The following TNFSF4 variants were observed in gnomAD, a reference collection of about 807,000 sequenced individuals.
TNFSF4 encodes TNF superfamily member 4.
A neutral mutation model predicts 7.3 loss-of-function variants in TNFSF4; 4 were observed. The observed-to-expected ratio is 0.55, with a 90% CI of 0.27 to 1.25. The LOEUF (loss-of-function observed/expected upper bound fraction) is 1.25. Ranked by LOEUF, TNFSF4 falls within the 50% of genes most tolerant of loss-of-function variation. TNFSF4 has a pLI of 0.12. For missense variants in TNFSF4, 181 were observed against 208.8 expected, an observed-to-expected ratio of 0.87 and a Z score of 0.82; for synonymous variants, 76 against 83.7, an observed-to-expected ratio of 0.91 and a Z score of 0.50.
chr1:173,225,589 G>A, the TNFSF4 span, among the ~76,000 whole-genome samples: 8 of 152,070 alleles, frequency 5.3e-5, no homozygotes, highest in African/African-American at 1.7e-4. Context: ...GGCATATGTC[G>A]GTGTTTTAAG....
chr1:173,384,700 C>G, the TNFSF4 span, among the ~76,000 whole-genome samples: 1 of 152,148 alleles, frequency 6.6e-6, no homozygotes, highest in Middle Eastern at 3.2e-3. Flanking sequence ...TAATATACAA[C>G]TTACAGAAAT....
At chr1:173,361,983 A>G in the TNFSF4 span, among the ~76,000 whole-genome samples, 3 of 152,224 alleles carry the variant, frequency 2.0e-5, no homozygotes, top group Admixed American at 6.5e-5. Flanking sequence ...AGAGGGCCAT[A>G]TAAAGGAATT....
chr1:173,295,680 A>G, the TNFSF4 span, among the ~76,000 whole-genome samples: 1 of 152,016 alleles, frequency 6.6e-6, no homozygotes, highest in Admixed American at 6.6e-5. Context: ...GGAAATTGAC[A>G]TGGAAGCTCT....
the TNFSF4 span, among the ~76,000 whole-genome samples, chr1:173,220,008 T>C: frequency 2.6e-5 from 4 of 151,794 alleles, no homozygotes; most frequent in African/African-American, 9.7e-5. Context: ...AACTTATCCA[T>C]GTAACCAAAC....
At chr1:173,261,581 G>A in the TNFSF4 span, among the ~76,000 whole-genome samples, 1 of 152,030 alleles carries the variant, frequency 6.6e-6, no homozygotes, top group Non-Finnish European at 1.5e-5. Context: ...TAGACTGCTA[G>A]CTGCACTAAT....
chr1:173,367,293 G>C, the TNFSF4 span, among the ~76,000 whole-genome samples: 2 of 152,106 alleles, frequency 1.3e-5, no homozygotes, highest in South Asian at 4.2e-4. Flanking sequence ...ATTTTACCAT[G>C]GCACACATTC....
chr1:173,313,964 A>G, the TNFSF4 span, among the ~76,000 whole-genome samples: 1 of 151,680 alleles, frequency 6.6e-6, no homozygotes, highest in African/African-American at 2.4e-5. Flanking sequence ...CTATTTTTTT[A>G]CTTCTTGTCT....
the TNFSF4 span, among the ~76,000 whole-genome samples, chr1:173,270,181 TG>T: frequency 6.6e-6 from 1 of 152,098 alleles, no homozygotes; most frequent in Admixed American, 6.6e-5. Context: ...GGAGCAGATT[TG>T]GGGGAAAACA....
At chr1:173,290,835 A>G in the TNFSF4 span, among the ~76,000 whole-genome samples, 1 of 152,156 alleles carries the variant, frequency 6.6e-6, no homozygotes, top group African/African-American at 2.4e-5. Context: ...CCTGGCCACA[A>G]AGCAAGTCTC....
At chr1:173,300,503 C>T in the TNFSF4 span, among the ~76,000 whole-genome samples, 1 of 151,888 alleles carries the variant, frequency 6.6e-6, no homozygotes, top group Non-Finnish European at 1.5e-5. Flanking sequence ...CCCCAATAGT[C>T]TCTGCAAGTT....
At chr1:173,269,549 C>T in the TNFSF4 span, among the ~76,000 whole-genome samples, 3 of 152,074 alleles carry the variant, frequency 2.0e-5, no homozygotes, top group African/African-American at 7.2e-5. Flanking sequence ...TCCTTGAATA[C>T]AAGCCCTGCA....
the TNFSF4 span, among the ~76,000 whole-genome samples, chr1:173,373,546 C>T: frequency 8.5e-5 from 13 of 152,178 alleles, no homozygotes; most frequent in Admixed American, 3.3e-4. Context: ...ACTTTTCACA[C>T]GGGTATAGAG....
rs1413608764 is a variant in TNFSF4 at position 173,184,332 on chromosome 1, T to A, written c.*2184A>T. The stretch of plus-strand genomic sequence containing the variant: ...GGGTTAATTCTCCCTGTGAAGGACA[T>A]GACTTACAGGGACTGAGACACACAC... On this transcript the variant is annotated 3_prime_UTR_variant, in exon 3 of 3. Coordinates refer to ENST00000281834, the MANE Select transcript of TNFSF4 (RefSeq NM_003326.5). 1 of 152,230 alleles carries A rather than the reference T, an allele frequency of 6.6e-6. No homozygotes were observed. The highest frequency in any genetic ancestry group is 2.4e-5 in the African/African-American group (1 of 41,462). The allele number at this position is 152,230 out of a possible 1,614,324, so 9.4% of individuals were successfully genotyped here.
chr1:173,239,517 C>A, the TNFSF4 span, among the ~76,000 whole-genome samples: 1 of 152,098 alleles, frequency 6.6e-6, no homozygotes, highest in Non-Finnish European at 1.5e-5. Flanking sequence ...TCACTTTTTT[C>A]CCCCTAACTT....
intron 1 of TNFSF4, among the ~76,000 whole-genome samples, chr1:173,202,698 T>C (rs527460269): frequency 5.3e-5 from 8 of 152,298 alleles, no homozygotes; most frequent in African/African-American, 1.7e-4. Flanking sequence ...CGTGTTCCTT[T>C]AGCATGATTC....
chr1:173,363,520 T>C, the TNFSF4 span: 1 of 458,566 alleles, frequency 2.2e-6, no homozygotes, highest in Non-Finnish European at 4.3e-6. Context: ...AATCTTACCT[T>C]TAAGATTCTT....
At position 173,207,224 on chromosome 1, in the gene TNFSF4, G is replaced by A. The variant is rs556333641; in HGVS notation, c.-48C>T. 1.3e-5 allele frequency: 21 copies of A among 1,555,612 alleles called. No individual in the cohort carries two copies. Among genetic ancestry groups the A allele is most frequent in the Admixed American group, 1.7e-5 (1 of 57,578 alleles). On this transcript the variant is annotated 5_prime_UTR_variant, in exon 1 of 3. In the 5' UTR this introduces an upstream ATG that the reference lacks. Coordinates refer to ENST00000281834, the MANE Select transcript of TNFSF4 (RefSeq NM_003326.5). Reference sequence around the variant, plus strand: ...AGATGAAGATATGGAAAAGGGGAACGTGCGATAAAACTGAAGTTTTCCCCA... The same window carrying A: ...AGATGAAGATATGGAAAAGGGGAACATGCGATAAAACTGAAGTTTTCCCCA...
the TNFSF4 span, among the ~76,000 whole-genome samples, chr1:173,379,002 G>A: frequency 3.3e-5 from 5 of 150,880 alleles, no homozygotes; most frequent in South Asian, 6.3e-4. Context: ...CAGACCTGGC[G>A]AAGCTTTCAG....
chr1:173,274,713 G>A, the TNFSF4 span, among the ~76,000 whole-genome samples: 4 of 152,072 alleles, frequency 2.6e-5, no homozygotes, highest in Non-Finnish European at 5.9e-5. Context: ...CACAGCAATA[G>A]AAAATTAATA....
Sources: gnomAD v4.1 joint callset for allele counts (sites outside exome capture counted in the v4.1 genomes callset) on GRCh38, gnomAD v4.1.1 for gene constraint, MANE v1.5 for transcripts, NCBI Gene and HGNC (gene_info 2026-07-23, HGNC 2026-07-21) for gene names.